PRKD1: variants seen among roughly 807,000 people sequenced by gnomAD.
PRKD1 encodes the protein serine/threonine-protein kinase D1.
A neutral mutation model predicts 95.9 loss-of-function variants in PRKD1; 63 were observed. That is an observed-to-expected ratio of 0.66 (90% confidence interval 0.54 to 0.81). The LOEUF is 0.81. PRKD1 is among the 30% of genes least tolerant of loss of function. The pLI, the probability that PRKD1 is intolerant of heterozygous loss-of-function variation, is 0.00. For synonymous variants in PRKD1, 425 were observed against 423.1 expected, an observed-to-expected ratio of 1.00 and a Z score of -0.05; for missense variants, 1,048 against 1,165.3, an observed-to-expected ratio of 0.90 and a Z score of 1.47.
intron 2 of PRKD1, among the ~76,000 whole-genome samples, chr14:29,720,182 T>C (rs1207041338): frequency 6.6e-6 from 1 of 152,178 alleles, no homozygotes; most frequent in Non-Finnish European, 1.5e-5. Flanking sequence ...CTGTCTGAGG[T>C]GCTTTACAAG....
chr14:29,639,282 T>C lies in PRKD1; in HGVS notation c.697-378A>G, dbSNP rs187487718. Among the ~76,000 whole-genome samples, 312 of 152,282 alleles carry C rather than the reference T, an allele frequency of 2.0e-3. 1 individual carries two copies. The highest frequency in any genetic ancestry group is 6.8e-3 in the Middle Eastern group (2 of 294). ...GGATTACATTCACATGGTTAGAAAA[T>C]GCAAGCATTTATGAAAGACAGAAAA... On this transcript the variant is annotated intron_variant, in intron 4 of 17. Coordinates refer to ENST00000331968, the MANE Select transcript of PRKD1 (RefSeq NM_002742.3).
At chr14:29,637,622 C>A (rs994977685) in intron 6 of PRKD1, among the ~76,000 whole-genome samples, 6 of 152,184 alleles carry the variant, frequency 3.9e-5, no homozygotes, top group African/African-American at 1.4e-4. Context: ...GTGGGACGAT[C>A]GCCAAGCTTT....
intron 1 of PRKD1, among the ~76,000 whole-genome samples, chr14:29,920,236 G>C (rs1895054711): frequency 6.6e-6 from 1 of 152,016 alleles, no homozygotes; most frequent in Non-Finnish European, 1.5e-5. Flanking sequence ...AGAAATTGAA[G>C]TCTCATTTTC....
intron 1 of PRKD1, among the ~76,000 whole-genome samples, chr14:29,860,421 G>C (rs1181847617): frequency 6.6e-6 from 1 of 152,112 alleles, no homozygotes; most frequent in Non-Finnish European, 1.5e-5. Context: ...ATCTCCTAAT[G>C]GTAAAAGCTG....
At chr14:29,824,270 A>T (rs1891028004) in intron 1 of PRKD1, among the ~76,000 whole-genome samples, 1 of 152,224 alleles carries the variant, frequency 6.6e-6, no homozygotes, top group Non-Finnish European at 1.5e-5. Context: ...GTGGTAGCCA[A>T]CTAAGCTAAA....
At chr14:29,614,652 T>C (rs1043877097) in intron 13 of PRKD1, among the ~76,000 whole-genome samples, 1 of 152,038 alleles carries the variant, frequency 6.6e-6, no homozygotes, top group Admixed American at 6.6e-5. Context: ...TCATGGAGAA[T>C]ATTTTAGACA....
At chr14:29,715,193 C>T (rs1594453209) in intron 2 of PRKD1, among the ~76,000 whole-genome samples, 1 of 152,060 alleles carries the variant, frequency 6.6e-6, no homozygotes, top group African/African-American at 2.4e-5. Context: ...CAATATGTCA[C>T]ATTGAAGGTC....
chr14:29,658,862 TTGAC>T (rs1444140006), intron 4 of PRKD1, among the ~76,000 whole-genome samples: 3 of 152,232 alleles, frequency 2.0e-5, no homozygotes, highest in Non-Finnish European at 4.4e-5. Context: ...TTTCTTTTAA[TTGAC>T]TGATAGGAAT....
chr14:29,759,818 C>A (rs1273556127), intron 1 of PRKD1, among the ~76,000 whole-genome samples: 1 of 152,176 alleles, frequency 6.6e-6, no homozygotes, highest in Non-Finnish European at 1.5e-5. Flanking sequence ...TGAAAACTCT[C>A]AAGAGAGCAT....
intron 4 of PRKD1, among the ~76,000 whole-genome samples, chr14:29,652,005 C>G (rs1881535654): frequency 6.6e-6 from 1 of 152,224 alleles, no homozygotes; most frequent in Non-Finnish European, 1.5e-5. Context: ...CTTGGCCTCC[C>G]AAAGTGTTGG....
At chr14:29,907,212 G>C (rs1454059744) in intron 1 of PRKD1, among the ~76,000 whole-genome samples, 2 of 151,670 alleles carry the variant, frequency 1.3e-5, no homozygotes, top group African/African-American at 4.9e-5. Flanking sequence ...CAAATCTCCG[G>C]GGCTTCTGTT....
intron 1 of PRKD1, among the ~76,000 whole-genome samples, chr14:29,902,536 G>A (rs1173193858): frequency 2.0e-5 from 3 of 152,106 alleles, no homozygotes; most frequent in South Asian, 4.1e-4. Context: ...TTTTTTATTC[G>A]CCCACAGAGG....
rs1032063075 is a variant in PRKD1 at position 29,668,339 on chromosome 14, T to G, written c.404-2131A>C. 4.6e-5 allele frequency among the ~76,000 whole-genome samples: 7 copies of G among 152,168 alleles called. No individual in the cohort carries two copies. The East Asian group carries it at 7.7e-4, about 17-fold the overall frequency. The stretch of plus-strand genomic sequence containing the variant: ...ATAGGAATATTAAAGTGTCTAGAGA[T>G]TCCAAGAGAGGAACAATGGGCTATC... On this transcript the variant is annotated intron_variant, in intron 2 of 17. Coordinates refer to ENST00000331968, the MANE Select transcript of PRKD1 (RefSeq NM_002742.3).
At chr14:29,867,074 T>C (rs939783303) in intron 1 of PRKD1, among the ~76,000 whole-genome samples, 1 of 152,196 alleles carries the variant, frequency 6.6e-6, no homozygotes, top group Non-Finnish European at 1.5e-5. Context: ...CTTTTATCTT[T>C]CTGGCTCTCT....
intron 2 of PRKD1, among the ~76,000 whole-genome samples, chr14:29,713,785 C>T (rs1477268822): frequency 6.6e-6 from 1 of 152,022 alleles, no homozygotes; most frequent in Non-Finnish European, 1.5e-5. Context: ...GCCTTATGTC[C>T]TAGGCAATGT....
chr14:29,896,739 CAG>C (rs1894142915), intron 1 of PRKD1, among the ~76,000 whole-genome samples: 1 of 130,388 alleles, frequency 7.7e-6, no homozygotes, highest in Non-Finnish European at 1.6e-5. Context: ...AAAAAAAAAA[CAG>C]GGAGAGAGCA....
intron 1 of PRKD1, among the ~76,000 whole-genome samples, chr14:29,830,340 T>C (rs1002239067): frequency 2.0e-5 from 3 of 152,206 alleles, no homozygotes; most frequent in Admixed American, 1.3e-4. Flanking sequence ...TAATGGGCCT[T>C]CGTTTGCCAA....
intron 1 of PRKD1, among the ~76,000 whole-genome samples, chr14:29,838,904 A>G (rs1891718347): frequency 6.6e-6 from 1 of 152,200 alleles, no homozygotes; most frequent in Non-Finnish European, 1.5e-5. Context: ...AAACTGAAGC[A>G]AAAACAAACA....
chr14:29,716,842 T>C (rs772104406), intron 2 of PRKD1, among the ~76,000 whole-genome samples: 1 of 152,180 alleles, frequency 6.6e-6, no homozygotes, highest in Non-Finnish European at 1.5e-5. Flanking sequence ...TCATAGAAAT[T>C]AGGAAAACAA....
Sources: gnomAD v4.1 joint callset for allele counts (sites outside exome capture counted in the v4.1 genomes callset) on GRCh38, gnomAD v4.1.1 for gene constraint, MANE v1.5 for transcripts, NCBI Gene and HGNC (gene_info 2026-07-23, HGNC 2026-07-21) for gene names.